The following ZNF451 variants were observed in gnomAD, a reference collection of about 807,000 sequenced individuals.
The protein encoded by ZNF451 is E3 SUMO-protein ligase ZNF451.
In ZNF451, 80 loss-of-function variants were observed where a neutral mutation model predicts 107.1. The ratio of observed to expected loss-of-function variants is 0.75; its 90% CI spans 0.62 to 0.90. ZNF451 has a LOEUF of 0.90. Ranked by LOEUF, ZNF451 falls within the 40% of genes least tolerant of loss-of-function variation. The pLI is 0.00. For synonymous variants in ZNF451, 362 were observed against 406.5 expected (o/e 0.89, Z 1.32); for missense variants, 1,107 against 1,236.2 (o/e 0.90, Z 1.57).
chr6:57,111,401 G>GAC (rs1830108015), intron 3 of ZNF451, among the ~76,000 whole-genome samples: 1 of 148,630 alleles, frequency 6.7e-6, no homozygotes, highest in East Asian at 2.0e-4. Flanking sequence ...TGTTTCTTGA[G>GAC]ACGGAGTCTC....
intron 9 of ZNF451, among the ~76,000 whole-genome samples, chr6:57,146,373 C>T (rs975119918): frequency 6.6e-6 from 1 of 151,976 alleles, no homozygotes; most frequent in Non-Finnish European, 1.5e-5. Flanking sequence ...AGGGGTTTTC[C>T]TAGGTTTTCT....
Position 57,147,168 on chromosome 6 carries a change from A to T in ZNF451, c.1083A>T (p.Arg361Ser). The change falls in exon 10 of 15, where the codon AGA becomes AGT. Residue 361 changes from arginine (R) to serine (S), a missense_variant. Physicochemically the swap from Arg to Ser is moderately radical, Grantham distance 110 (BLOSUM62 -1). Transcript: ENST00000370706. ...AGGTTGCAGAGAAATTCATATTAAG[A>T]GGTTATTGTCCAGATTGCAATCAAG... ...ITQVAEKFIL[R>S]GYCPDCNQVF... is the part of the protein sequence containing the mutation. 3.1e-6 allele frequency: 5 copies of T among 1,614,096 alleles called. No individual in the cohort carries two copies. Among genetic ancestry groups the T allele is most frequent in the Non-Finnish European group, 4.2e-6 (5 of 1,179,960 alleles).
intron 7 of ZNF451, among the ~76,000 whole-genome samples, chr6:57,135,335 C>G (rs1311667511): frequency 3.9e-5 from 6 of 152,056 alleles, no homozygotes; most frequent in Admixed American, 3.9e-4. Context: ...TGAGTTGATT[C>G]ATGGATATGC....
chr6:57,146,356 G>T (rs1832064072), intron 9 of ZNF451, among the ~76,000 whole-genome samples: 1 of 152,242 alleles, frequency 6.6e-6, no homozygotes, highest in South Asian at 2.1e-4. Flanking sequence ...CTAGGCCATT[G>T]TCCGGAAGGG....
chr6:57,144,870 A>G (rs1217221039), intron 9 of ZNF451, among the ~76,000 whole-genome samples: 1 of 152,164 alleles, frequency 6.6e-6, no homozygotes, highest in Non-Finnish European at 1.5e-5. Context: ...CAGAGGTTGC[A>G]GTGATCCAAG....
chr6:57,168,329 T>C lies in ZNF451; in HGVS notation c.3140-94T>C, dbSNP rs1763991262. The stretch of plus-strand genomic sequence containing the variant: ...TTTTCCATTTTGATTTTACTTTCCT[T>C]CTTGAAAAGAATACAGTCGATGAAA... On this transcript the variant is annotated intron_variant, in intron 14 of 14. Coordinates refer to ENST00000370706, the MANE Select transcript of ZNF451 (RefSeq NM_001031623.3). The C allele has an allele frequency of 3.5e-6, 3 of 854,406 alleles. No homozygotes were observed. The East Asian group carries it at 8.2e-5, about 23-fold the overall frequency. 52.9% of individuals were successfully genotyped at this position (854,406 alleles called of 1,614,324 possible).
At chr6:57,154,415 C>A in intron 13 of ZNF451, 2 of 364,244 alleles carry the variant, frequency 5.5e-6, no homozygotes, top group Non-Finnish European at 9.8e-6. Context: ...GAAAGCAGTG[C>A]GCTTAGAGGT....
chr6:57,143,064 C>G (rs965798474), intron 9 of ZNF451, among the ~76,000 whole-genome samples: 1 of 151,988 alleles, frequency 6.6e-6, no homozygotes, highest in African/African-American at 2.4e-5. Context: ...TTTATATATT[C>G]TAGATACAAA....
At chr6:57,150,981 T>G in intron 11 of ZNF451, 119 bp downstream of exon 11, 1 of 1,201,664 alleles carries the variant, frequency 8.3e-7, no homozygotes, top group Non-Finnish European at 1.2e-6. Context: ...TGGAATATTG[T>G]TCTTTTGTAT....
intron 14 of ZNF451, among the ~76,000 whole-genome samples, chr6:57,164,286 A>C (rs1001211908): frequency 3.3e-5 from 5 of 152,214 alleles, no homozygotes; most frequent in African/African-American, 7.2e-5. Flanking sequence ...AAGTCACTTA[A>C]CTTCACTGTG....
Position 57,147,422 on chromosome 6 carries a change from A to C in ZNF451, c.1337A>C (p.Lys446Thr), listed in dbSNP as rs1016295106. ...TCACTGGAGTGCATTGCCATTCCAA[A>C]AAAGAAGATGAATTTAAAAGATAAA... ...SSSLECIAIP[K>T]KKMNLKDKSH... Residue 446 changes from lysine (K) to threonine (T), a missense_variant, in exon 10 of 15, where the codon AAA (lysine) becomes ACA (threonine). Lys to Thr is a moderately conservative substitution (Grantham distance 78, BLOSUM62 -1). This residue lies in a region of ZNF451 where 608 missense variants were observed against 649.2 expected (regional missense o/e 0.94). Transcript: ENST00000370706. 1 of 1,614,012 alleles carries C rather than the reference A, an allele frequency of 6.2e-7. No homozygotes were observed. Among genetic ancestry groups the C allele is most frequent in the East Asian group, 2.2e-5 (1 of 44,882 alleles).
At chr6:57,150,692 C>T (rs761159734) in intron 10 of ZNF451, 27 bp from the exon 11 acceptor site, 1 of 1,569,994 alleles carries the variant, frequency 6.4e-7, no homozygotes, top group Non-Finnish European at 8.6e-7. Context: ...TCTTACTGAA[C>T]TCATGTTGAT....
At position 57,090,877 on chromosome 6, in the gene ZNF451, G is replaced by A. The variant is rs1200579391; in HGVS notation, c.88G>A (p.Asp30Asn). The A allele has an allele frequency of 1.8e-5, 1 of 54,424 alleles. No homozygotes were observed. The highest frequency in any genetic ancestry group is 3.1e-5 in the Non-Finnish European group (1 of 32,388). The allele number at this position is 54,424 out of a possible 1,614,324, so 3.4% of individuals were successfully genotyped here. Residue 30 changes from aspartate to asparagine, a missense_variant, in exon 2 of 15, where the codon GAC becomes AAC. By Grantham distance (23) the Asp-to-Asn change is conservative. Around this residue, in one of 5 missense-constraint regions of ZNF451, gnomAD observed 339 missense variants for 372.8 expected, o/e 0.91. Transcript: ENST00000370706. ...SESTTDENED[D>N]IQFVSEGPLR... is the part of the protein sequence containing the mutation. ...GTCAACAACGGATGAAAATGAAGAC[G>A]ACATTCAGTTTGTCAGTGTAAGTAG...
In ZNF451 at chr6:57,150,792, T is replaced by A. The variant is rs752177088; in HGVS notation, c.2682T>A (p.Asp894Glu). ...CTCATATAGTCTTTGTAGATTTTGA[T>A]AACTGGTCAAACTTTTTTGGTCATC... ...TMTHIVFVDF[D>E]NWSNFFGHLP... Residue 894 changes from aspartate (D) to glutamate (E), a missense_variant, in exon 11 of 15, where the codon GAT becomes GAA. Physicochemically the swap from Asp to Glu is conservative, Grantham distance 45. Transcript: ENST00000370706. 1 of 1,614,080 alleles carries A rather than the reference T, an allele frequency of 6.2e-7. No individual in the cohort carries two copies. The highest frequency in any genetic ancestry group is 8.5e-7 in the Non-Finnish European group (1 of 1,179,992).
At chr6:57,130,864 A>G (rs1316740447) in intron 5 of ZNF451, among the ~76,000 whole-genome samples, 2 of 152,030 alleles carry the variant, frequency 1.3e-5, no homozygotes, top group Non-Finnish European at 1.5e-5. Flanking sequence ...GTCTGTAGTT[A>G]TGATCTTTTT....
In ZNF451 at chr6:57,147,082, T is replaced by G; in HGVS notation, c.1005-8T>G. 6.4e-7 allele frequency: 1 copy of G among 1,571,116 alleles called. No homozygotes were observed. Among genetic ancestry groups the G allele is most frequent in the Non-Finnish European group, 8.6e-7 (1 of 1,160,178 alleles). On this transcript the variant is annotated splice_polypyrimidine_tract_variant and splice_region_variant and intron_variant, in intron 9 of 14. Transcript: ENST00000370706. ...GAAAGACTTTCTATTTCTTTTTATC[T>G]AATTTAGAGTTCATTGTCGAAATGC...
At chr6:57,090,414 G>A (rs971360910) in intron 1 of ZNF451, 140 bp downstream of exon 1, 42 of 1,336,130 alleles carry the variant, frequency 3.1e-5, no homozygotes, top group Middle Eastern at 5.4e-4. Flanking sequence ...CCAGCTCTGG[G>A]GCCTGGTGCG....
At chr6:57,137,061 T>C (rs1831465656) in intron 7 of ZNF451, among the ~76,000 whole-genome samples, 1 of 152,246 alleles carries the variant, frequency 6.6e-6, no homozygotes, top group Non-Finnish European at 1.5e-5. Context: ...TATGCTTATG[T>C]ACGAGATTGT....
rs112531719 is a variant in ZNF451, at chr6:57,146,312, T to G, written c.1005-778T>G. Among the ~76,000 whole-genome samples, 292 of 152,310 alleles carry G rather than the reference T, an allele frequency of 1.9e-3. 2 individuals carry two copies. Among genetic ancestry groups the G allele is most frequent in the African/African-American group, 6.7e-3 (278 of 41,582 alleles). On this transcript the variant is annotated intron_variant, in intron 9 of 14. Coordinates refer to ENST00000370706, the MANE Select transcript of ZNF451 (RefSeq NM_001031623.3). ...TTGTCTATTTTAGGGCTTTGTTGCA[T>G]TTGCTTTTGAGGACTTAGTCATAAA...
Sources: allele counts gnomAD v4.1 joint callset (sites outside exome capture counted in the v4.1 genomes callset), GRCh38; gene constraint gnomAD v4.1.1; regional missense constraint gnomAD v4.1.1; transcripts MANE v1.5; gene names NCBI Gene and HGNC (gene_info 2026-07-23, HGNC 2026-07-21).